TRIM16: variants seen among roughly 807,000 people sequenced by gnomAD.
TRIM16 encodes the protein tripartite motif containing 16, also known as tripartite motif-containing protein 16.
TRIM16 carries 33 observed loss-of-function variants against 50.4 expected under a neutral mutation model. The ratio of observed to expected loss-of-function variants is 0.65; its 90% confidence interval spans 0.50 to 0.88. The LOEUF is 0.88. Among genes scored for constraint, TRIM16 ranks in the 40% least tolerant of loss-of-function variants. The pLI is 0.00. For synonymous variants in TRIM16, 229 were observed against 270.7 expected (o/e 0.85, Z 1.51); for missense variants, 581 against 686.8 (o/e 0.85, Z 1.72).
At chr17:15,643,777 G>C (rs1233371292) in intron 7 of TRIM16, among the ~76,000 whole-genome samples, 1 of 152,228 alleles carries the variant, frequency 6.6e-6, no homozygotes, top group South Asian at 2.1e-4. Flanking sequence ...CAATGGAGTT[G>C]AGCCTAGGCT....
intron 9 of TRIM16, among the ~76,000 whole-genome samples, chr17:15,633,852 A>G (rs1986562885): frequency 6.6e-6 from 1 of 151,114 alleles, no homozygotes; most frequent in South Asian, 2.1e-4. Flanking sequence ...TAAATAAGTT[A>G]TCATACACTA....
At chr17:15,655,959 GC>G (rs1242287229) in intron 6 of TRIM16, among the ~76,000 whole-genome samples, 3 of 152,130 alleles carry the variant, frequency 2.0e-5, no homozygotes, top group Non-Finnish European at 4.4e-5. Flanking sequence ...TTCTAGTTTG[GC>G]CCTCTGAGGA....
At chr17:15,670,911 T>C (rs1038911815) in intron 6 of TRIM16, among the ~76,000 whole-genome samples, 1 of 152,276 alleles carries the variant, frequency 6.6e-6, no homozygotes, top group Non-Finnish European at 1.5e-5. Context: ...ATGAATATTG[T>C]CTAATGTCTT....
rs1987698910 is a variant in TRIM16 at position 15,651,441 on chromosome 17, C to T, written c.169G>A (p.Glu57Lys). 1 of 1,612,500 alleles carries T rather than the reference C, an allele frequency of 6.2e-7. No individual in the cohort carries two copies. The highest frequency in any genetic ancestry group is 1.1e-5 in the South Asian group (1 of 90,962). ...TGCTCTGCAGAGTCGCTGTCCTGTT[C>T]CTCCGTCTCCCTGCCAAGCTTCTCC... ...SSEKLGRETE[E>K]QDSDSAEQGD... The change falls in exon 7 of 12, where the codon GAA (glutamate) becomes AAA (lysine). Residue 57 changes from glutamate to lysine, a missense_variant. Coordinates refer to ENST00000649191, the MANE Select transcript of TRIM16 (RefSeq NM_001348119.1).
rs1248237241 is a variant in TRIM16 at position 15,628,912 on chromosome 17, G to A, written c.1398C>T (p.Ser466=). 6.2e-7 allele frequency: 1 copy of A among 1,614,234 alleles called. No individual in the cohort carries two copies. Among genetic ancestry groups the A allele is most frequent in the Admixed American group, 1.7e-5 (1 of 60,020 alleles). The change falls in exon 12 of 12, where the codon TCC becomes TCT. Residue 466 remains serine (S), a synonymous_variant. Transcript: ENST00000649191. ...RNSCISGNNF[S]WSLQWNGKEF... is the part of the protein sequence containing the mutation. Reference sequence around the variant, plus strand: ...CCTTCCCGTTCCATTGGAGGCTCCAGGAGAAGTTGTTTCCGGAAATGCAAC... The same window carrying A: ...CCTTCCCGTTCCATTGGAGGCTCCAAGAGAAGTTGTTTCCGGAAATGCAAC...
At chr17:15,669,878 A>G (rs1160766245) in intron 6 of TRIM16, among the ~76,000 whole-genome samples, 2 of 152,118 alleles carry the variant, frequency 1.3e-5, no homozygotes, top group African/African-American at 4.8e-5. Context: ...CCTTGCCTCT[A>G]TCCTCTAGGT....
At chr17:15,650,502 AT>A (rs1384061911) in intron 7 of TRIM16, among the ~76,000 whole-genome samples, 1 of 152,194 alleles carries the variant, frequency 6.6e-6, no homozygotes, top group Non-Finnish European at 1.5e-5. Flanking sequence ...AACTTTTATT[AT>A]CCCTAAGCCA....
chr17:15,651,713 G>C lies in TRIM16; in HGVS notation c.-104C>G, dbSNP rs117315966. On this transcript the variant is annotated 5_prime_UTR_variant, in exon 7 of 12. Transcript: ENST00000649191. ...CCACGCCTAGATGATTGCAGCTGCT[G>C]CAAGATTTTAACTGTTTCCTCCCTC... 3.2e-6 allele frequency: 5 copies of C among 1,539,772 alleles called. No homozygotes were observed. Among genetic ancestry groups the C allele is most frequent in the East Asian group, 2.4e-5 (1 of 40,950 alleles).
At chr17:15,661,814 C>T (rs1988250900) in intron 6 of TRIM16, among the ~76,000 whole-genome samples, 1 of 151,958 alleles carries the variant, frequency 6.6e-6, no homozygotes, top group African/African-American at 2.4e-5. Context: ...CTATTTAGAC[C>T]CACTTTCCCA....
chr17:15,638,047 C>A (rs1467575357), intron 8 of TRIM16, among the ~76,000 whole-genome samples: 2 of 132,284 alleles, frequency 1.5e-5, no homozygotes, highest in African/African-American at 3.0e-5. Flanking sequence ...TGCTTGAAGG[C>A]AGCATGCTCG....
intron 7 of TRIM16, 130 bp downstream of exon 7, chr17:15,650,961 T>C (rs1348076721): frequency 1.5e-6 from 2 of 1,327,336 alleles, no homozygotes; most frequent in Non-Finnish European, 2.0e-6. Flanking sequence ...AGGCAGACGC[T>C]GAAGCTAGTC....
At chr17:15,665,472 G>A (rs1988457181) in intron 6 of TRIM16, among the ~76,000 whole-genome samples, 1 of 152,306 alleles carries the variant, frequency 6.6e-6, no homozygotes, top group South Asian at 2.1e-4. Flanking sequence ...TGGTGCCACT[G>A]CACTCCAGCC....
rs1199197773 is a variant in TRIM16, at chr17:15,680,930, G to A, written c.-655C>T. 2.6e-6 allele frequency: 4 copies of A among 1,542,274 alleles called. No individual in the cohort carries two copies. The highest frequency in any genetic ancestry group is 2.6e-6 in the Non-Finnish European group (3 of 1,144,630). On this transcript the variant is annotated 5_prime_UTR_variant, in exon 4 of 12. Coordinates refer to ENST00000649191, the MANE Select transcript of TRIM16 (RefSeq NM_001348119.1). The stretch of plus-strand genomic sequence containing the variant: ...TTCTTAAGATACCCCTTTTGGGAAA[G>A]GGCAGGGTCCTCAGAGGGCAGAACT...
rs1987669844 is a variant in TRIM16 at position 15,651,085 on chromosome 17, A to ACT, written c.519+4_519+5dup. 1 of 1,599,098 alleles carries ACT rather than the reference A, an allele frequency of 6.3e-7. No individual in the cohort carries two copies. Among genetic ancestry groups the ACT allele is most frequent in the Admixed American group, 1.7e-5 (1 of 59,480 alleles). On this transcript the variant is annotated splice_donor_region_variant and intron_variant, in intron 7 of 11. Transcript: ENST00000649191. ...CCAAATGGATGAATGGTCCCCAAGC[A>ACT]CTCACCTCCTTGTCCCTGCGGGCTG...
In TRIM16 at chr17:15,632,582, G is replaced by A. The variant is rs370964735; in HGVS notation, c.942C>T (p.Ile314=). ...KDKLSGIRKV[I]TESTVHLIQL... is the part of the protein sequence containing the mutation. ...GGATTAAGTGTACAGTGGATTCCGT[G>A]ATAACTTTGCGGATGCCCGAGAGTT... Residue 314 remains isoleucine, a synonymous_variant, in exon 10 of 12, where the codon ATC becomes ATT. Coordinates refer to ENST00000649191, the MANE Select transcript of TRIM16 (RefSeq NM_001348119.1). 1.2e-6 allele frequency: 2 copies of A among 1,613,946 alleles called. No individual in the cohort carries two copies. Among genetic ancestry groups the A allele is most frequent in the African/African-American group, 1.3e-5 (1 of 75,022 alleles).
At position 15,628,278 on chromosome 17, in the gene TRIM16, A is replaced by G. The variant is rs1986206715; in HGVS notation, c.*337T>C. On this transcript the variant is annotated 3_prime_UTR_variant, in exon 12 of 12. Coordinates refer to ENST00000649191, the MANE Select transcript of TRIM16 (RefSeq NM_001348119.1). ...CAAAACATTAGCTGGGTGTGGTGGC[A>G]GGCACCTGTAATCCCAGCTACTCGG... 9.8e-6 allele frequency: 2 copies of G among 203,950 alleles called. No individual in the cohort carries two copies. Among genetic ancestry groups the G allele is most frequent in the East Asian group, 1.2e-4 (1 of 8,548 alleles). The allele number at this position is 203,950 out of a possible 1,614,324, so 12.6% of individuals were successfully genotyped here.
intron 6 of TRIM16, among the ~76,000 whole-genome samples, chr17:15,674,486 C>A (rs1469738462): frequency 6.6e-6 from 1 of 152,156 alleles, no homozygotes; most frequent in Admixed American, 6.5e-5. Context: ...CCATTGACAG[C>A]ATTTAAGTTT....
At chr17:15,637,306 G>A (rs1426243936) in intron 8 of TRIM16, among the ~76,000 whole-genome samples, 25 of 110,888 alleles carry the variant, frequency 2.3e-4, no homozygotes, top group Non-Finnish European at 1.1e-4. Flanking sequence ...GAAGTGAGGA[G>A]CCCCTCAGCC....
intron 6 of TRIM16, among the ~76,000 whole-genome samples, chr17:15,667,584 C>T (rs572968488): frequency 6.6e-6 from 1 of 152,280 alleles, no homozygotes; most frequent in Non-Finnish European, 1.5e-5. Context: ...TGATACACAT[C>T]TATGATACTT....
Sources: gnomAD v4.1 joint callset for allele counts (sites outside exome capture counted in the v4.1 genomes callset) on GRCh38, gnomAD v4.1.1 for gene constraint, MANE v1.5 for transcripts, NCBI Gene and HGNC (gene_info 2026-07-23, HGNC 2026-07-21) for gene names.